BIN3: variants seen among roughly 807,000 people sequenced by gnomAD.
BIN3 encodes bridging integrator 3.
A neutral mutation model predicts 38.2 loss-of-function variants in BIN3; 41 were observed. The ratio of observed to expected loss-of-function variants is 1.07; its 90% CI spans 0.84 to 1.39. BIN3 has a LOEUF of 1.39. Among genes scored for constraint, BIN3 ranks in the 40% most tolerant of loss-of-function variants. BIN3 has a pLI of 0.00. For synonymous variants in BIN3, 145 were observed against 122.6 expected (o/e 1.18, Z -1.21); for missense variants, 361 against 324.3 (o/e 1.11, Z -0.87).
At chr8:22,627,601 C>G (rs1219392002) in intron 6 of BIN3, among the ~76,000 whole-genome samples, 2 of 152,162 alleles carry the variant, frequency 1.3e-5, no homozygotes, top group Non-Finnish European at 1.5e-5. Flanking sequence ...GAGCCTGTCC[C>G]CAGGCGTGAA....
intron 1 of BIN3, among the ~76,000 whole-genome samples, chr8:22,658,125 A>G (rs1803116771): frequency 6.6e-6 from 1 of 152,250 alleles, no homozygotes; most frequent in Non-Finnish European, 1.5e-5. Flanking sequence ...CCTCTGGAGT[A>G]GGAGTCCTTG....
chr8:22,649,017 C>T (rs1382290461), intron 1 of BIN3, among the ~76,000 whole-genome samples: 2 of 152,124 alleles, frequency 1.3e-5, no homozygotes, highest in Admixed American at 6.5e-5. Context: ...CCTGCCTCAG[C>T]CCTAGAATCA....
intron 4 of BIN3, among the ~76,000 whole-genome samples, chr8:22,634,048 A>G (rs1211773768): frequency 2.0e-5 from 3 of 152,232 alleles, no homozygotes; most frequent in Admixed American, 2.0e-4. Flanking sequence ...TTGGTTCCGT[A>G]GCAAGCCACT....
chr8:22,661,694 G>A (rs1803242013), intron 1 of BIN3, among the ~76,000 whole-genome samples: 1 of 151,990 alleles, frequency 6.6e-6, no homozygotes. Context: ...TTATTTGAAT[G>A]TATCATTCTG....
chr8:22,633,245 G>A (rs1436141303), intron 4 of BIN3, among the ~76,000 whole-genome samples: 2 of 152,272 alleles, frequency 1.3e-5, no homozygotes, highest in African/African-American at 4.8e-5. Context: ...TGAAGCAGGA[G>A]GATCCCTTGA....
At chr8:22,667,626 C>G (rs926248530) in intron 1 of BIN3, among the ~76,000 whole-genome samples, 1 of 152,220 alleles carries the variant, frequency 6.6e-6, no homozygotes, top group Admixed American at 6.5e-5. Context: ...TTGCCCACCA[C>G]TAACTAGGTT....
At chr8:22,622,919 C>T (rs922989597) in intron 8 of BIN3, among the ~76,000 whole-genome samples, 2 of 152,230 alleles carry the variant, frequency 1.3e-5, no homozygotes, top group African/African-American at 4.8e-5. Context: ...CAAGGTCCCG[C>T]CCCGGCATGA....
chr8:22,643,641 A>G (rs1048500744), intron 2 of BIN3, among the ~76,000 whole-genome samples: 20 of 152,304 alleles, frequency 1.3e-4, no homozygotes, highest in Admixed American at 1.3e-3. Context: ...TTTCCTCTCA[A>G]GTGACCTTAC....
At chr8:22,653,102 G>A (rs1471650777) in intron 1 of BIN3, among the ~76,000 whole-genome samples, 2 of 152,202 alleles carry the variant, frequency 1.3e-5, no homozygotes, top group Non-Finnish European at 2.9e-5. Context: ...CTTGTACAGT[G>A]ACTAATCTTA....
At chr8:22,625,158 G>A (rs975679974) in intron 6 of BIN3, 5 of 610,066 alleles carry the variant, frequency 8.2e-6, no homozygotes, top group Non-Finnish European at 1.5e-5. Context: ...AGAGAGAGCA[G>A]CAGTGGACGA....
At chr8:22,629,307 G>T (rs745907526) in intron 6 of BIN3, among the ~76,000 whole-genome samples, 1 of 152,164 alleles carries the variant, frequency 6.6e-6, no homozygotes, top group Non-Finnish European at 1.5e-5. Flanking sequence ...CAGCCTGCTC[G>T]AGAGAGGCCA....
At position 22,621,508 on chromosome 8, in the gene BIN3, G is replaced by C. The variant is rs1332794004; in HGVS notation, c.676C>G (p.Pro226Ala). 1 of 1,613,928 alleles carries C rather than the reference G, an allele frequency of 6.2e-7. No individual in the cohort carries two copies. The highest frequency in any genetic ancestry group is 1.3e-5 in the African/African-American group (1 of 75,060). The stretch of plus-strand genomic sequence containing the variant: ...TCCCGCTGCTCATCGGAGTGGCCTG[G>C]CTGGTCAAGCTGATGGGACAGGTCT... ...FGDLSHQLDQ[P>A]GHSDEQRERE... Residue 226 changes from proline to alanine, a missense_variant, in exon 9 of 9, where the codon CCA becomes GCA. Physicochemically the swap from Pro to Ala is conservative, Grantham distance 27. Transcript: ENST00000276416.
At chr8:22,666,170 T>C (rs530389426) in intron 1 of BIN3, among the ~76,000 whole-genome samples, 1 of 152,196 alleles carries the variant, frequency 6.6e-6, no homozygotes, top group African/African-American at 2.4e-5. Flanking sequence ...TCAAGGTGTA[T>C]GGTTCAACAG....
intron 1 of BIN3, among the ~76,000 whole-genome samples, chr8:22,648,955 A>G (rs916477800): frequency 6.0e-5 from 9 of 150,292 alleles, no homozygotes; most frequent in African/African-American, 2.2e-4. Context: ...GTGTGTGTGT[A>G]TTTCCTTACT....
chr8:22,665,967 G>C (rs541583832), intron 1 of BIN3, among the ~76,000 whole-genome samples: 88 of 152,292 alleles, frequency 5.8e-4, no homozygotes, highest in African/African-American at 1.9e-3. Context: ...AACTAAGACA[G>C]AGAACAGCTC....
At chr8:22,650,114 G>A (rs1400517204) in intron 1 of BIN3, among the ~76,000 whole-genome samples, 2 of 152,054 alleles carry the variant, frequency 1.3e-5, no homozygotes, top group African/African-American at 4.8e-5. Context: ...GCTGGTCATT[G>A]CAACCGTTTC....
intron 3 of BIN3, 110 bp downstream of exon 3, chr8:22,636,812 C>A: frequency 7.8e-7 from 1 of 1,283,128 alleles, no homozygotes; most frequent in Non-Finnish European, 1.1e-6. Flanking sequence ...GAGCTGCCCT[C>A]AGCTTCCAGG....
intron 1 of BIN3, among the ~76,000 whole-genome samples, chr8:22,657,040 A>G (rs1803078377): frequency 1.3e-5 from 2 of 152,198 alleles, no homozygotes; most frequent in African/African-American, 4.8e-5. Context: ...TCAACTTTTC[A>G]CTGAATGAGG....
intron 2 of BIN3, among the ~76,000 whole-genome samples, chr8:22,637,938 C>T (rs531573626): frequency 3.3e-5 from 5 of 152,322 alleles, no homozygotes; most frequent in African/African-American, 9.6e-5. Context: ...AACCAGGTTA[C>T]GTACCCTGGC....
Sources: allele counts gnomAD v4.1 joint callset (sites outside exome capture counted in the v4.1 genomes callset), GRCh38; gene constraint gnomAD v4.1.1; transcripts MANE v1.5; gene names NCBI Gene and HGNC (gene_info 2026-07-23, HGNC 2026-07-21).